The following CCBE1 variants were observed in gnomAD, a reference collection of about 807,000 sequenced individuals.
The protein encoded by CCBE1 is collagen and calcium-binding EGF domain-containing protein 1.
CCBE1 carries 37 observed loss-of-function variants against 50.0 expected under a neutral mutation model. The observed-to-expected ratio is 0.74, with a 90% CI of 0.57 to 0.97. The LOEUF (loss-of-function observed/expected upper bound fraction) is 0.97. Ranked by LOEUF, CCBE1 falls within the 50% of genes least tolerant of loss-of-function variation. CCBE1 has a pLI of 0.00. For synonymous variants in CCBE1, 234 were observed against 203.7 expected, an observed-to-expected ratio of 1.15 and a Z score of -1.27; for missense variants, 538 against 523.8, an observed-to-expected ratio of 1.03 and a Z score of -0.26.
intron 2 of CCBE1, among the ~76,000 whole-genome samples, chr18:59,572,452 G>A (rs2052928118): frequency 6.6e-6 from 1 of 152,082 alleles, no homozygotes; most frequent in Admixed American, 6.6e-5. Context: ...CATGTGAAAT[G>A]GCACAACATA....
In CCBE1 at chr18:59,447,540, C is replaced by T. The variant is rs183926463; in HGVS notation, c.775+443G>A. On this transcript the variant is annotated intron_variant, in intron 7 of 10. Transcript: ENST00000439986. ...AAAAATAAATATAGGTATAAATATG[C>T]GAACAAATAAGGAAAGGTGGAAGGA... Among the ~76,000 whole-genome samples the T allele has an allele frequency of 4.9e-3, 742 of 151,902 alleles. 2 individuals are homozygous for T. The highest frequency in any genetic ancestry group is 0.021 in the East Asian group (110 of 5,168).
intron 2 of CCBE1, among the ~76,000 whole-genome samples, chr18:59,600,002 A>G (rs376327232): frequency 2.0e-5 from 3 of 152,320 alleles, no homozygotes; most frequent in African/African-American, 4.8e-5. Flanking sequence ...TGAGTTTTCC[A>G]ACAAAACTTT....
intron 2 of CCBE1, among the ~76,000 whole-genome samples, chr18:59,592,913 TA>T (rs955768751): frequency 6.9e-4 from 103 of 148,872 alleles, no homozygotes; most frequent in African/African-American, 1.4e-3. Context: ...GGTTTAAAAA[TA>T]AAAAAAAAGG....
chr18:59,690,022 T>A (rs1201564504), intron 2 of CCBE1, among the ~76,000 whole-genome samples: 1 of 152,058 alleles, frequency 6.6e-6, no homozygotes, highest in Non-Finnish European at 1.5e-5. Context: ...AAAACAAGTA[T>A]CTTAAAAAGG....
intron 2 of CCBE1, among the ~76,000 whole-genome samples, chr18:59,567,630 C>G (rs1043063947): frequency 2.0e-5 from 3 of 152,160 alleles, no homozygotes; most frequent in Non-Finnish European, 4.4e-5. Flanking sequence ...ATCAGTGACC[C>G]ATGCTCTGCT....
chr18:59,499,989 G>A (rs983233490), intron 2 of CCBE1, among the ~76,000 whole-genome samples: 2 of 152,306 alleles, frequency 1.3e-5, no homozygotes, highest in African/African-American at 2.4e-5. Flanking sequence ...AACTGTCGGG[G>A]AGTATGTATT....
intron 2 of CCBE1, among the ~76,000 whole-genome samples, chr18:59,678,516 G>A (rs535876299): frequency 7.2e-5 from 11 of 151,860 alleles, no homozygotes; most frequent in South Asian, 2.1e-4. Flanking sequence ...CAGAATATTC[G>A]TTGCCTTTTA....
At chr18:59,576,689 C>A (rs576930840) in intron 2 of CCBE1, among the ~76,000 whole-genome samples, 1 of 152,120 alleles carries the variant, frequency 6.6e-6, no homozygotes, top group Non-Finnish European at 1.5e-5. Flanking sequence ...AGCCATGCCC[C>A]GTCTACTTGC....
chr18:59,547,229 C>CA (rs1411826948), intron 2 of CCBE1, among the ~76,000 whole-genome samples: 1 of 151,822 alleles, frequency 6.6e-6, no homozygotes, highest in African/African-American at 2.4e-5. Context: ...CTAAGGCGGG[C>CA]AGATCACCTG....
At chr18:59,551,206 C>G (rs1915918265) in intron 2 of CCBE1, among the ~76,000 whole-genome samples, 1 of 152,064 alleles carries the variant, frequency 6.6e-6, no homozygotes, top group Non-Finnish European at 1.5e-5. Context: ...GTGGCCTATG[C>G]TCTCAGGCTA....
intron 2 of CCBE1, among the ~76,000 whole-genome samples, chr18:59,609,389 T>C (rs1457117292): frequency 6.6e-6 from 1 of 152,220 alleles, no homozygotes; most frequent in Admixed American, 6.5e-5. Flanking sequence ...TCTGTAATTA[T>C]CTTAACATCC....
chr18:59,659,928 T>C (rs1170055498), intron 2 of CCBE1, among the ~76,000 whole-genome samples: 1 of 152,172 alleles, frequency 6.6e-6, no homozygotes, highest in Non-Finnish European at 1.5e-5. Context: ...ACTGATTCCC[T>C]TTATCCCTAG....
intron 2 of CCBE1, among the ~76,000 whole-genome samples, chr18:59,588,957 C>T (rs2144529007): frequency 6.6e-6 from 1 of 152,314 alleles, no homozygotes; most frequent in Admixed American, 6.5e-5. Context: ...TGGGTAGCTT[C>T]ACAGTGATTT....
intron 2 of CCBE1, among the ~76,000 whole-genome samples, chr18:59,590,550 C>T (rs2053249167): frequency 6.6e-6 from 1 of 151,628 alleles, no homozygotes. Context: ...ACTGAACATG[C>T]AAGAATAGTC....
At chr18:59,639,625 T>C (rs1365637787) in intron 2 of CCBE1, among the ~76,000 whole-genome samples, 1 of 152,174 alleles carries the variant, frequency 6.6e-6, no homozygotes, top group Admixed American at 6.5e-5. Context: ...TTCAACTTAG[T>C]ACTGGAAGTT....
chr18:59,465,664 A>G (rs1414599410), intron 5 of CCBE1: 1 of 152,240 alleles, frequency 6.6e-6, no homozygotes, highest in Non-Finnish European at 1.5e-5. Flanking sequence ...TTGATATAAA[A>G]ATTTTTAAAC....
rs554440884 is a variant in CCBE1 at position 59,610,752 on chromosome 18, G to A, written c.212+85877C>T. ...CCTAACAAGCCCCAGGTGGACACAT[G>A]AGGAACGGAGCCTCACACAGAGGCC... On this transcript the variant is annotated intron_variant, in intron 2 of 10. Coordinates refer to ENST00000439986, the MANE Select transcript of CCBE1 (RefSeq NM_133459.4). Among the ~76,000 whole-genome samples, 69 of 147,808 alleles carry A rather than the reference G, an allele frequency of 4.7e-4. 1 individual carries two copies. The highest frequency in any genetic ancestry group is 1.3e-3 in the African/African-American group (51 of 40,622).
chr18:59,606,386 C>CT (rs1249032210), intron 2 of CCBE1, among the ~76,000 whole-genome samples: 1 of 152,214 alleles, frequency 6.6e-6, no homozygotes, highest in Non-Finnish European at 1.5e-5. Context: ...GAAATCCTGG[C>CT]TTTCTATGCA....
In CCBE1 at chr18:59,667,110, C is replaced by CA. The variant is rs898370425; in HGVS notation, c.212+29518dup. ...GCAACATAGTGAAACCCTGTCCCGA[C>CA]AAAAAAAAAATAGCCAGGCCTGGTG... On this transcript the variant is annotated intron_variant, in intron 2 of 10. Transcript: ENST00000439986. 2.6e-3 allele frequency among the ~76,000 whole-genome samples: 386 copies of CA among 146,294 alleles called. 2 individuals carry two copies. Among genetic ancestry groups the CA allele is most frequent in the African/African-American group, 5.6e-3 (223 of 39,832 alleles).
Sources: allele counts gnomAD v4.1 joint callset (sites outside exome capture counted in the v4.1 genomes callset), GRCh38; gene constraint gnomAD v4.1.1; transcripts MANE v1.5; gene names NCBI Gene and HGNC (gene_info 2026-07-23, HGNC 2026-07-21).